BMP8B: variants seen among roughly 807,000 people sequenced by gnomAD.
The protein encoded by BMP8B is bone morphogenetic protein 8b.
Under a neutral mutation model 30.3 loss-of-function variants are expected in BMP8B, and 17 were observed. That is an observed-to-expected ratio of 0.56 (90% CI 0.38 to 0.84). The LOEUF (loss-of-function observed/expected upper bound fraction) is 0.84, where lower values mean the gene tolerates loss of function less well. Among genes scored for constraint, BMP8B ranks in the 40% least tolerant of loss-of-function variants. The probability of loss-of-function intolerance (pLI) is 0.00; values close to 1 mark genes in which losing one functional copy is unlikely to be tolerated. For synonymous variants in BMP8B, 131 were observed against 214.7 expected, an observed-to-expected ratio of 0.61 and a Z score of 3.41; for missense variants, 253 against 494.6, an observed-to-expected ratio of 0.51 and a Z score of 4.63.
intron 3 of BMP8B, chr1:39,771,374 C>T: frequency 4.9e-6 from 4 of 814,668 alleles, no homozygotes; most frequent in Non-Finnish European, 7.0e-6. Flanking sequence ...GCAGGTCTCC[C>T]CGGCCAGGCG....
At chr1:39,777,191 A>G (rs1352007516) in intron 1 of BMP8B, among the ~76,000 whole-genome samples, 3 of 152,256 alleles carry the variant, frequency 2.0e-5, no homozygotes, top group African/African-American at 4.8e-5. Flanking sequence ...AGACATATGC[A>G]GAGAGCAATT....
In BMP8B at chr1:39,763,289, C is replaced by T. The variant is rs191043235; in HGVS notation, c.949-87G>A. 2.2e-3 allele frequency: 2,908 copies of T among 1,327,398 alleles called. 8 individuals carry two copies. Among genetic ancestry groups the T allele is most frequent in the Non-Finnish European group, 2.8e-3 (2,645 of 955,402 alleles). The allele number at this position is 1,327,398 out of a possible 1,614,324, so 82.2% of individuals were successfully genotyped here. ...AACCCATCCTCCAGCCCTGCAGGGC[C>T]GTCTCCCCCAAGAGGCTTGAATCCA... is the stretch of plus-strand genomic sequence containing the variant. On this transcript the variant is annotated intron_variant, in intron 5 of 6. Transcript: ENST00000372827.
intron 1 of BMP8B, among the ~76,000 whole-genome samples, chr1:39,775,323 C>T (rs1469483237): frequency 6.6e-6 from 1 of 152,222 alleles, no homozygotes. Context: ...GTTGCGCCCC[C>T]TTCTCGGCCC....
intron 1 of BMP8B, among the ~76,000 whole-genome samples, chr1:39,783,366 C>T (rs1350573029): frequency 6.6e-6 from 1 of 152,178 alleles, no homozygotes; most frequent in Non-Finnish European, 1.5e-5. Flanking sequence ...ATCATTTACT[C>T]AGGGGTGAGA....
chr1:39,761,612 C>T (rs537689639), intron 6 of BMP8B, among the ~76,000 whole-genome samples: 14 of 152,254 alleles, frequency 9.2e-5, no homozygotes, highest in South Asian at 2.1e-4. Context: ...CACCTCCCTC[C>T]GCCCTCCTCC....
rs1648735834 is a variant in BMP8B at position 39,760,138 on chromosome 1, C to T, written c.*281G>A. On this transcript the variant is annotated 3_prime_UTR_variant, in exon 7 of 7. Coordinates refer to ENST00000372827, the MANE Select transcript of BMP8B (RefSeq NM_001720.5). ...GGACTTCTGTGCCAACCCCAAAGAA[C>T]CAGCCAGGACATGCCTCCGGGAGAG... 4 of 495,588 alleles carry T rather than the reference C, an allele frequency of 8.1e-6. No homozygotes were observed. The South Asian group carries it at 9.7e-5, about 12-fold the overall frequency. 30.7% of individuals were successfully genotyped at this position (495,588 alleles called of 1,614,324 possible). A position where few individuals can be genotyped will look rare whatever the true frequency, so the allele number is the denominator to read the frequency against.
chr1:39,782,255 A>C (rs1163029407), intron 1 of BMP8B, among the ~76,000 whole-genome samples: 2 of 151,856 alleles, frequency 1.3e-5, no homozygotes, highest in East Asian at 1.9e-4. Flanking sequence ...TGCTGAAGAG[A>C]AGCTCTGGGA....
intron 1 of BMP8B, among the ~76,000 whole-genome samples, chr1:39,775,349 T>C (rs1274393638): frequency 5.3e-5 from 8 of 151,970 alleles, no homozygotes; most frequent in Admixed American, 3.3e-4. Flanking sequence ...GTCCTGGGAC[T>C]CAGAGATGAG....
At chr1:39,762,058 G>T (rs1173352992) in intron 6 of BMP8B, among the ~76,000 whole-genome samples, 1 of 152,220 alleles carries the variant, frequency 6.6e-6, no homozygotes, top group Non-Finnish European at 1.5e-5. Context: ...TGGCTGGGCT[G>T]GGCCGCCCCA....
Position 39,758,858 on chromosome 1 carries a change from A to C in BMP8B, c.*1561T>G, listed in dbSNP as rs1453254533. 1 of 152,114 alleles carries C rather than the reference A, an allele frequency of 6.6e-6. No individual in the cohort carries two copies. The highest frequency in any genetic ancestry group is 2.4e-5 in the African/African-American group (1 of 41,414). 9.4% of individuals were successfully genotyped at this position (152,114 alleles called of 1,614,324 possible). On this transcript the variant is annotated 3_prime_UTR_variant, in exon 7 of 7. Transcript: ENST00000372827. Reference sequence around the variant, plus strand: ...TGGAGGCCCTCCCTGGTCCAGGTGGAGGGGCTGCTGTCCCGCAGTGTGGCC... The same window carrying C: ...TGGAGGCCCTCCCTGGTCCAGGTGGCGGGGCTGCTGTCCCGCAGTGTGGCC...
At position 39,777,490 on chromosome 1, in the gene BMP8B, G is replaced by T. The variant is rs1650311618; in HGVS notation, c.335-2452C>A. ...CCACGCTTCCAGGAAAGGCCCTGTG[G>T]GCAGAAGTTGGCTTCCGCTGGCCAC... On this transcript the variant is annotated intron_variant, in intron 1 of 6. Transcript: ENST00000372827. 1.3e-5 allele frequency among the ~76,000 whole-genome samples: 2 copies of T among 152,218 alleles called. 1 individual carries two copies. The highest frequency in any genetic ancestry group is 2.9e-5 in the Non-Finnish European group (2 of 68,032).
rs978469235 is a variant in BMP8B at position 39,782,166 on chromosome 1, C to T, written c.334+5986G>A. ...AACTCCATCTCAAAAAAAAAAAAAA[C>T]AAAAAAAACCTAGAGAAGGACTCCC... On this transcript the variant is annotated intron_variant, in intron 1 of 6. Transcript: ENST00000372827. Among the ~76,000 whole-genome samples the T allele has an allele frequency of 7.7e-5, 10 of 129,664 alleles. 1 individual carries two copies. The highest frequency in any genetic ancestry group is 1.5e-4 in the Non-Finnish European group (9 of 60,532). The allele number at this position is 129,664 out of a possible 152,430, so 85.1% of individuals were successfully genotyped here.
chr1:39,770,019 G>A, intron 3 of BMP8B: 2 of 1,462,942 alleles, frequency 1.4e-6, no homozygotes, highest in Non-Finnish European at 9.1e-7. Context: ...TTCTTGCCAG[G>A]GATCATCCAG....
chr1:39,762,575 A>G (rs1319174119), intron 6 of BMP8B: 24 of 1,550,282 alleles, frequency 1.5e-5, no homozygotes, highest in Non-Finnish European at 2.1e-5. Flanking sequence ...AAAGATGGCC[A>G]AGAGAGAAAC....
At chr1:39,776,091 C>A (rs1396244152) in intron 1 of BMP8B, among the ~76,000 whole-genome samples, 1 of 152,290 alleles carries the variant, frequency 6.6e-6, no homozygotes, top group Non-Finnish European at 1.5e-5. Context: ...CAGTGGGAAG[C>A]ACAGGGGACG....
At chr1:39,761,202 G>C (rs1648914701) in intron 6 of BMP8B, 1 of 152,872 alleles carries the variant, frequency 6.5e-6, no homozygotes. Context: ...GGTCTAATGG[G>C]GCCTCAGCGG....
chr1:39,788,476 G>A lies in BMP8B; in HGVS notation c.10C>T (p.Leu4Phe). ...CCCAGGAGCCAGAGCGGGCCGGGGA[G>A]CGCGGTCATGGCAGGCCGGGGGCGC... is the stretch of plus-strand genomic sequence containing the variant. MTA[L>F]PGPLWLLGLA... The change falls in exon 1 of 7, where the codon CTC (leucine) becomes TTC (phenylalanine). Residue 4 changes from leucine to phenylalanine, a missense_variant. By Grantham distance (22) the Leu-to-Phe change is conservative. Transcript: ENST00000372827. This position sits in a 1 kb window ranked among gnomAD's most constrained non-coding sequence, Gnocchi z 5.8. The A allele has an allele frequency of 9.8e-7, 1 of 1,020,266 alleles. No individual in the cohort carries two copies. The highest frequency in any genetic ancestry group is 1.2e-6 in the Non-Finnish European group (1 of 854,264). 63.2% of individuals were successfully genotyped at this position (1,020,266 alleles called of 1,614,324 possible).
At position 39,759,544 on chromosome 1, in the gene BMP8B, G is replaced by A. The variant is rs1648664221; in HGVS notation, c.*875C>T. On this transcript the variant is annotated 3_prime_UTR_variant, in exon 7 of 7. Coordinates refer to ENST00000372827, the MANE Select transcript of BMP8B (RefSeq NM_001720.5). ...GATTACTGATGTCTGCCATTCAGAG[G>A]GGAAAGGGAAATGATGGCATCTGTG... 2 of 152,256 alleles carry A rather than the reference G, an allele frequency of 1.3e-5. No individual in the cohort carries two copies. The highest frequency in any genetic ancestry group is 2.9e-5 in the Non-Finnish European group (2 of 68,044). 9.4% of individuals were successfully genotyped at this position (152,256 alleles called of 1,614,324 possible).
Position 39,759,029 on chromosome 1 carries a change from G to A in BMP8B, c.*1390C>T, listed in dbSNP as rs1557464900. 6.6e-6 allele frequency: 1 copy of A among 152,312 alleles called. No homozygotes were observed. Among genetic ancestry groups the A allele is most frequent in the South Asian group, 2.1e-4 (1 of 4,840 alleles). The allele number at this position is 152,312 out of a possible 1,614,324, so 9.4% of individuals were successfully genotyped here. A position where few individuals can be genotyped will look rare whatever the true frequency, so the allele number is the denominator to read the frequency against. On this transcript the variant is annotated 3_prime_UTR_variant, in exon 7 of 7. Transcript: ENST00000372827. Reference sequence around the variant, plus strand: ...TGTGCCTGTGGATGGGGCGGGCGCAGGATCTGCTTTTAATGACACGGTTTG... The same window carrying A: ...TGTGCCTGTGGATGGGGCGGGCGCAAGATCTGCTTTTAATGACACGGTTTG...
Sources: allele counts gnomAD v4.1 joint callset (sites outside exome capture counted in the v4.1 genomes callset), GRCh38; gene constraint gnomAD v4.1.1; non-coding constraint Gnocchi (gnomAD v3.1); transcripts MANE v1.5; gene names NCBI Gene and HGNC (gene_info 2026-07-23, HGNC 2026-07-21).